Variants in AK8 observed in about 807,000 individuals in gnomAD.
AK8 encodes the protein ATP-AMP transphosphorylase 8.
Under a neutral mutation model 54.6 loss-of-function variants are expected in AK8, and 44 were observed. The observed-to-expected ratio is 0.81, with a 90% CI of 0.63 to 1.04. The LOEUF is 1.04. Ranked by LOEUF, AK8 falls within the 50% of genes least tolerant of loss-of-function variation. AK8 has a pLI of 0.00. For synonymous variants in AK8, 239 were observed against 245.6 expected, an observed-to-expected ratio of 0.97 and a Z score of 0.25; for missense variants, 555 against 613.6, an observed-to-expected ratio of 0.90 and a Z score of 1.01.
At position 132,791,878 on chromosome 9, in the gene AK8, G is replaced by T. The variant is rs573058277; in HGVS notation, c.1121+756C>A. Among the ~76,000 whole-genome samples the T allele has an allele frequency of 3.3e-5, 5 of 152,204 alleles. No individual in the cohort carries two copies. Among genetic ancestry groups the T allele is most frequent in the Non-Finnish European group, 7.3e-5 (5 of 68,044 alleles). ...CATTTGCAAGGTATGACCAACCAGA[G>T]AAAGCCAAATATGTTCCCTTAACCA... On this transcript the variant is annotated intron_variant, in intron 11 of 12. Transcript: ENST00000298545. This position sits in a 1 kb window ranked among gnomAD's most constrained non-coding sequence, Gnocchi z 4.0.
intron 11 of AK8, among the ~76,000 whole-genome samples, chr9:132,743,714 C>T (rs940433702): frequency 6.6e-6 from 1 of 152,170 alleles, no homozygotes; most frequent in African/African-American, 2.4e-5. Context: ...ATTGATATTT[C>T]CTACCTGCCG....
rs1350107318 is a variant in AK8 at position 132,725,857 on chromosome 9, TC to T, written c.1270del (p.Asp424MetfsTer8). On this transcript the variant is annotated frameshift_variant, in exon 13 of 13. Coordinates refer to ENST00000298545, the MANE Select transcript of AK8 (RefSeq NM_152572.3). LOFTEE classifies it high-confidence loss of function. ...IQARLLQNPK[D>X]AEEQVKLKMD... ...TTTCAGCTTGACCTGCTCTTCAGCATCCTTTGGGTTCTGCAGGAGGCGAGCC... is the reference window on the plus strand; with the variant it reads ...TTTCAGCTTGACCTGCTCTTCAGCATCTTTGGGTTCTGCAGGAGGCGAGCC... The T allele has an allele frequency of 6.2e-7, 1 of 1,610,548 alleles. No homozygotes were observed. The highest frequency in any genetic ancestry group is 2.2e-5 in the East Asian group (1 of 44,828).
At chr9:132,727,593 T>A in intron 11 of AK8, 59 bp from the exon 12 acceptor site, 1 of 1,511,736 alleles carries the variant, frequency 6.6e-7, no homozygotes, top group Non-Finnish European at 9.1e-7. Flanking sequence ...TATGATGCTG[T>A]GACATCCTGG....
intron 11 of AK8, among the ~76,000 whole-genome samples, chr9:132,730,166 T>C (rs542811115): frequency 6.6e-6 from 1 of 152,304 alleles, no homozygotes; most frequent in South Asian, 2.1e-4. Context: ...GACTGCCTCC[T>C]CCAAGTCAGT....
At chr9:132,762,425 A>G (rs1237908324) in intron 11 of AK8, among the ~76,000 whole-genome samples, 1 of 152,038 alleles carries the variant, frequency 6.6e-6, no homozygotes, top group Non-Finnish European at 1.5e-5. Context: ...ACTCCTTTCA[A>G]TTAAAAAATC....
intron 12 of AK8, among the ~76,000 whole-genome samples, chr9:132,726,509 C>G (rs185350958): frequency 1.4e-3 from 214 of 152,260 alleles, no homozygotes; most frequent in Non-Finnish European, 2.4e-3. Flanking sequence ...CTCAGGTGAT[C>G]CACCTGCCTT....
chr9:132,751,144 G>C (rs750422511), intron 11 of AK8, among the ~76,000 whole-genome samples: 26 of 151,846 alleles, frequency 1.7e-4, no homozygotes, highest in Non-Finnish European at 3.5e-4. Context: ...AGCACTTTGA[G>C]AGGCCAAGGC....
intron 11 of AK8, among the ~76,000 whole-genome samples, chr9:132,787,088 C>A (rs1191750110): frequency 1.3e-5 from 2 of 151,744 alleles, no homozygotes; most frequent in African/African-American, 4.8e-5. Context: ...CAGCAACTGA[C>A]CACACACACA....
In AK8 at chr9:132,803,195, C is replaced by T. The variant is rs1427056298; in HGVS notation, c.980-10420G>A. On this transcript the variant is annotated intron_variant, in intron 10 of 12. Coordinates refer to ENST00000298545, the MANE Select transcript of AK8 (RefSeq NM_152572.3). This position sits in a 1 kb window ranked among gnomAD's most constrained non-coding sequence, Gnocchi z 4.4. ...CCACCCCCAAGATTCAATTACCTCC[C>T]ACCGGGTCCCTCCCATGACACGTGA... Among the ~76,000 whole-genome samples, 1 of 152,068 alleles carries T rather than the reference C, an allele frequency of 6.6e-6. No homozygotes were observed. Among genetic ancestry groups the T allele is most frequent in the Non-Finnish European group, 1.5e-5 (1 of 68,014 alleles).
At chr9:132,875,380 G>GA in intron 1 of AK8, 181 bp from the exon 2 acceptor site, 1 of 949,390 alleles carries the variant, frequency 1.1e-6, no homozygotes, top group African/African-American at 1.8e-5. Flanking sequence ...GCATGAGGGG[G>GA]GCCACGTGGT....
chr9:132,851,682 G>A (rs111753379), intron 5 of AK8, among the ~76,000 whole-genome samples: 2,709 of 152,298 alleles, frequency 0.018, 86 homozygotes, highest in African/African-American at 0.062. Context: ...CTGCATGGTC[G>A]GTCACTGCAC....
chr9:132,783,021 C>G (rs1182937269), intron 11 of AK8, among the ~76,000 whole-genome samples: 1 of 152,192 alleles, frequency 6.6e-6, no homozygotes, highest in African/African-American at 2.4e-5. Context: ...CCTCTTAATT[C>G]CCAGATTCTG....
chr9:132,781,797 T>C lies in AK8; in HGVS notation c.1121+10837A>G, dbSNP rs554266808. Among the ~76,000 whole-genome samples the C allele has an allele frequency of 6.6e-4, 100 of 152,244 alleles. 1 individual carries two copies. The highest frequency in any genetic ancestry group is 1.2e-3 in the Non-Finnish European group (79 of 68,050). On this transcript the variant is annotated intron_variant, in intron 11 of 12. Coordinates refer to ENST00000298545, the MANE Select transcript of AK8 (RefSeq NM_152572.3). The surrounding 1 kb of genome is among the most constrained non-coding windows in gnomAD (Gnocchi z 4.6). The stretch of plus-strand genomic sequence containing the variant: ...AGAATTACAGTCCTGATAGTCATCC[T>C]GGTGCTAGGTGGATTCATTTTAGAA...
chr9:132,771,261 G>A (rs1476309756), intron 11 of AK8, among the ~76,000 whole-genome samples: 1 of 152,208 alleles, frequency 6.6e-6, no homozygotes, highest in Non-Finnish European at 1.5e-5. Context: ...GCACAGCCCA[G>A]GGCCTGGCCC....
chr9:132,844,566 G>A (rs981000226), intron 5 of AK8, among the ~76,000 whole-genome samples: 3 of 152,188 alleles, frequency 2.0e-5, no homozygotes, highest in Non-Finnish European at 2.9e-5. Flanking sequence ...AACAACCAAA[G>A]CACATAATTA....
At chr9:132,854,708 A>G (rs1843108091) in intron 5 of AK8, 149 bp downstream of exon 5, 3 of 782,484 alleles carry the variant, frequency 3.8e-6, no homozygotes, top group Non-Finnish European at 6.4e-6. Flanking sequence ...AGCAAAATCC[A>G]TGTCTGTAGA....
intron 10 of AK8, among the ~76,000 whole-genome samples, chr9:132,801,616 T>C (rs1333815774): frequency 1.3e-5 from 2 of 152,132 alleles, no homozygotes; most frequent in African/African-American, 2.4e-5. Context: ...AAGGATGCCA[T>C]AGCCCACGAA....
In AK8 at chr9:132,863,793, G is replaced by T. The variant is rs777906934; in HGVS notation, c.220-15C>A. On this transcript the variant is annotated splice_polypyrimidine_tract_variant and intron_variant, in intron 3 of 12. Transcript: ENST00000298545. ...AGCCACATTGCCTGAAGAAAGGAAA[G>T]AAGAAAAGGGCATTTTCATAAAAAC... is the stretch of plus-strand genomic sequence containing the variant. The T allele has an allele frequency of 2.6e-6, 4 of 1,566,708 alleles. No homozygotes were observed. In the East Asian group the frequency reaches 6.7e-5, roughly 26 times the overall value.
intron 8 of AK8, among the ~76,000 whole-genome samples, chr9:132,824,858 T>C (rs1841807504): frequency 6.6e-6 from 1 of 152,242 alleles, no homozygotes; most frequent in South Asian, 2.1e-4. Flanking sequence ...CATGTACTAA[T>C]TGCTACGACA....
Sources: gnomAD v4.1 joint callset for allele counts (sites outside exome capture counted in the v4.1 genomes callset) on GRCh38, gnomAD v4.1.1 for gene constraint, Gnocchi (gnomAD v3.1) non-coding constraint, MANE v1.5 for transcripts, NCBI Gene and HGNC (gene_info 2026-07-23, HGNC 2026-07-21) for gene names.